Variants in SRFBP1 observed in about 807,000 individuals in gnomAD.
The protein encoded by SRFBP1 is serum response factor-binding protein 1.
In SRFBP1, 47 loss-of-function variants were observed where a neutral mutation model predicts 45.5. The ratio of observed to expected loss-of-function variants is 1.03; its 90% confidence interval spans 0.82 to 1.32. The LOEUF (loss-of-function observed/expected upper bound fraction) is 1.32, where lower values mean the gene tolerates loss of function less well. SRFBP1 is among the 40% of genes most tolerant of loss of function. The pLI is 0.00. For synonymous variants in SRFBP1, 203 were observed against 166.3 expected, an observed-to-expected ratio of 1.22 and a Z score of -1.70; for missense variants, 621 against 484.6, an observed-to-expected ratio of 1.28 and a Z score of -2.64.
At position 122,020,486 on chromosome 5, in the gene SRFBP1, G is replaced by A. The variant is rs188297674; in HGVS notation, c.751G>A (p.Glu251Lys). The change falls in exon 6 of 8, where the codon GAA becomes AAA. Residue 251 changes from glutamate (E) to lysine (K), a missense_variant. By Grantham distance (56) the Glu-to-Lys change is moderately conservative (BLOSUM62 1). Coordinates refer to ENST00000339397, the MANE Select transcript of SRFBP1 (RefSeq NM_152546.3). ...ACTCTCTGGTAACAGTGATGGCGGAGAAGAATTTTGTGAAGAGGAGAAGGA... is the reference window on the plus strand; with the variant it reads ...ACTCTCTGGTAACAGTGATGGCGGAAAAGAATTTTGTGAAGAGGAGAAGGA... ...SSLSGNSDGG[E>K]EFCEEEKEYF... The A allele has an allele frequency of 1.0e-4, 165 of 1,614,112 alleles. 2 individuals are homozygous for A. In the Admixed American group the frequency reaches 2.7e-3, roughly 26 times the overall value.
chr5:122,002,170 C>G (rs895254165), intron 4 of SRFBP1, among the ~76,000 whole-genome samples: 1 of 152,166 alleles, frequency 6.6e-6, no homozygotes, highest in Admixed American at 6.5e-5. Context: ...GAATTACATC[C>G]CCATTGTATA....
At chr5:122,044,179 A>G (rs1753814721) in intron 2 of SRFBP1, among the ~76,000 whole-genome samples, 1 of 152,234 alleles carries the variant, frequency 6.6e-6, no homozygotes, top group South Asian at 2.1e-4. Context: ...GCTTCAAAGG[A>G]CTTGATCTCA....
intron 2 of SRFBP1, among the ~76,000 whole-genome samples, chr5:122,054,666 T>C (rs1754048458): frequency 6.6e-6 from 1 of 152,238 alleles, no homozygotes; most frequent in Non-Finnish European, 1.5e-5. Context: ...TTCTGAGTAA[T>C]GATTAAATTA....
intron 4 of SRFBP1, among the ~76,000 whole-genome samples, chr5:122,000,225 T>C (rs866925179): frequency 6.6e-6 from 1 of 152,268 alleles, no homozygotes; most frequent in Non-Finnish European, 1.5e-5. Flanking sequence ...CCAATTACTT[T>C]ATGCCTTCTA....
At chr5:122,053,164 A>G (rs1754018638) in intron 2 of SRFBP1, among the ~76,000 whole-genome samples, 1 of 152,128 alleles carries the variant, frequency 6.6e-6, no homozygotes, top group Non-Finnish European at 1.5e-5. Context: ...TTCCTGGGAA[A>G]ACACAGGGTT....
chr5:122,022,810 C>CA (rs779020746), intron 7 of SRFBP1, among the ~76,000 whole-genome samples: 5 of 152,170 alleles, frequency 3.3e-5, no homozygotes, highest in Non-Finnish European at 7.4e-5. Context: ...TAATTCGTAA[C>CA]AAATCTAAGT....
At chr5:122,052,063 C>T (rs1202567879) in intron 2 of SRFBP1, among the ~76,000 whole-genome samples, 1 of 152,102 alleles carries the variant, frequency 6.6e-6, no homozygotes, top group Non-Finnish European at 1.5e-5. Context: ...TTTAAGAATG[C>T]CGAATTAGAC....
In SRFBP1 at chr5:122,020,945, A is replaced by G. The variant is rs139483139; in HGVS notation, c.1067+143A>G. The G allele has an allele frequency of 1.2e-4, 88 of 705,544 alleles. No individual in the cohort carries two copies. The African/African-American group carries it at 1.6e-3, about 13-fold the overall frequency. The allele number at this position is 705,544 out of a possible 1,614,324, so 43.7% of individuals were successfully genotyped here. On this transcript the variant is annotated intron_variant, in intron 6 of 7. Transcript: ENST00000339397. The stretch of plus-strand genomic sequence containing the variant: ...TAGACATGGCCCTCTCCAAGGTTGT[A>G]GTGGGGTATTAGGTACAGATACACA...
intron 3 of SRFBP1, among the ~76,000 whole-genome samples, chr5:121,990,329 G>A (rs1270070701): frequency 6.6e-6 from 1 of 152,124 alleles, no homozygotes; most frequent in African/African-American, 2.4e-5. Flanking sequence ...GAAGAGAAAA[G>A]CAAGTACTTC....
intron 3 of SRFBP1, among the ~76,000 whole-genome samples, chr5:121,987,281 C>G (rs115082812): frequency 7.9e-5 from 12 of 152,162 alleles, no homozygotes; most frequent in African/African-American, 2.9e-4. Context: ...TCTGAGCTGT[C>G]TAATCCTAGC....
intron 4 of SRFBP1, among the ~76,000 whole-genome samples, chr5:122,005,047 G>A (rs1752948376): frequency 6.6e-6 from 1 of 152,036 alleles, no homozygotes; most frequent in Non-Finnish European, 1.5e-5. Context: ...AATGTGTTAG[G>A]CCTAATTTTG....
chr5:122,020,291 G>GA lies in SRFBP1; in HGVS notation c.562dup (p.Ile188AsnfsTer9). 6.2e-7 allele frequency: 1 copy of GA among 1,610,426 alleles called. No homozygotes were observed. ...GAAGAAACCAATACATAATTCAAAG[G>GA]AAAAAATAGCAAAGATGGAACATGG... On this transcript the variant is annotated frameshift_variant, in exon 6 of 8. Coordinates refer to ENST00000339397, the MANE Select transcript of SRFBP1 (RefSeq NM_152546.3). LOFTEE classifies it high-confidence loss of function.
intron 4 of SRFBP1, among the ~76,000 whole-genome samples, chr5:122,011,789 G>C (rs564010415): frequency 9.9e-5 from 15 of 152,172 alleles, no homozygotes; most frequent in Admixed American, 2.0e-4. Context: ...GAAATGAGGA[G>C]GGAAAGAGTC....
intron 1 of SRFBP1, among the ~76,000 whole-genome samples, chr5:121,967,771 G>A (rs528139217): frequency 2.6e-5 from 4 of 152,276 alleles, no homozygotes; most frequent in Admixed American, 2.0e-4. Flanking sequence ...GGAGGGGGAC[G>A]GAGGTTGTGA....
downstream of SRFBP1, chr5:122,077,641 GC>G (rs1561421357): frequency 6.2e-7 from 1 of 1,610,214 alleles, no homozygotes; most frequent in Non-Finnish European, 8.5e-7. The surrounding 1 kb of genome is among the most constrained non-coding windows in gnomAD (Gnocchi z 4.9). Flanking sequence ...GCCTGGGGCG[GC>G]CAGCGGTGAC....
intron 4 of SRFBP1, among the ~76,000 whole-genome samples, chr5:121,999,148 G>C (rs980089014): frequency 6.6e-6 from 1 of 152,000 alleles, no homozygotes; most frequent in African/African-American, 2.4e-5. Flanking sequence ...TACTTTAGCT[G>C]CATCTCATAA....
chr5:122,013,660 T>C (rs986958061), intron 4 of SRFBP1, among the ~76,000 whole-genome samples: 1 of 152,078 alleles, frequency 6.6e-6, no homozygotes, highest in Non-Finnish European at 1.5e-5. Context: ...ACAAGTGGTT[T>C]AGTAACATAA....
rs548589793 is a variant in SRFBP1 at position 121,998,710 on chromosome 5, T to C, written c.270+4040T>C. Among the ~76,000 whole-genome samples the C allele has an allele frequency of 2.6e-5, 4 of 152,288 alleles. No homozygotes were observed. In the South Asian group the frequency reaches 8.3e-4, roughly 32 times the overall value. On this transcript the variant is annotated intron_variant, in intron 4 of 7. Transcript: ENST00000339397. ...CTTTATTACTTTTCCAAATATTTTT[T>C]ATGAATATCTCATTTAATCTGTACA...
chr5:122,005,147 G>A (rs1233481482), intron 4 of SRFBP1, among the ~76,000 whole-genome samples: 4 of 152,116 alleles, frequency 2.6e-5, no homozygotes, highest in Non-Finnish European at 5.9e-5. Context: ...TTCTGTAGAT[G>A]TCTATTAGGT....
Sources: gnomAD v4.1 joint callset for allele counts (sites outside exome capture counted in the v4.1 genomes callset) on GRCh38, gnomAD v4.1.1 for gene constraint, Gnocchi (gnomAD v3.1) non-coding constraint, MANE v1.5 for transcripts, NCBI Gene and HGNC (gene_info 2026-07-23, HGNC 2026-07-21) for gene names.